CLEC19A: variants seen among roughly 807,000 people sequenced by gnomAD.
CLEC19A encodes the protein C-type lectin domain family 19 member A.
In CLEC19A, 21 loss-of-function variants were observed where a neutral mutation model predicts 26.1. The ratio of observed to expected loss-of-function variants is 0.80; its 90% CI spans 0.57 to 1.16. CLEC19A has a LOEUF of 1.16. Among genes scored for constraint, CLEC19A ranks in the 50% most tolerant of loss-of-function variants. The pLI is 0.00. For synonymous variants in CLEC19A, 89 were observed against 88.6 expected (o/e 1.00, Z -0.03); for missense variants, 224 against 227.6 (o/e 0.98, Z 0.10).
intron 1 of CLEC19A, among the ~76,000 whole-genome samples, chr16:19,288,454 G>A (rs992731348): frequency 2.0e-5 from 3 of 151,932 alleles, no homozygotes; most frequent in Non-Finnish European, 4.4e-5. Context: ...TGCATAACAG[G>A]GCACAGGTCA....
chr16:19,290,952 C>T (rs1271862077), intron 1 of CLEC19A, among the ~76,000 whole-genome samples: 1 of 152,140 alleles, frequency 6.6e-6, no homozygotes, highest in African/African-American at 2.4e-5. Flanking sequence ...GATGCTCCCT[C>T]TTCAGTCTCT....
chr16:19,291,185 T>C lies in CLEC19A; in HGVS notation c.88+5246T>C, dbSNP rs147692265. On this transcript the variant is annotated intron_variant, in intron 1 of 4. Coordinates refer to ENST00000636231, the MANE Select transcript of CLEC19A (RefSeq NM_001256720.2). ...GTTTGGTCTTCATAGACCATAAGGC[T>C]CATGAGGTCAGAAGGCGCATCTGTG... 5.9e-5 allele frequency among the ~76,000 whole-genome samples: 9 copies of C among 152,286 alleles called. 1 individual carries two copies. In the East Asian group the frequency reaches 1.5e-3, roughly 26 times the overall value.
intron 1 of CLEC19A, among the ~76,000 whole-genome samples, chr16:19,288,569 A>G (rs1304315216): frequency 6.6e-6 from 1 of 152,152 alleles, no homozygotes; most frequent in Non-Finnish European, 1.5e-5. Flanking sequence ...TTGGAGGAAA[A>G]AAAACTTTTT....
chr16:19,290,343 A>G (rs371731814), intron 1 of CLEC19A, among the ~76,000 whole-genome samples: 120 of 139,262 alleles, frequency 8.6e-4, no homozygotes, highest in African/African-American at 2.7e-3. Context: ...CTCTCCCTCC[A>G]CTTCCCCTCC....
At chr16:19,288,449 AACAG>A (rs1897517062) in intron 1 of CLEC19A, among the ~76,000 whole-genome samples, 1 of 152,110 alleles carries the variant, frequency 6.6e-6, no homozygotes, top group African/African-American at 2.4e-5. Flanking sequence ...TACAATGCAT[AACAG>A]GGCACAGGTC....
chr16:19,293,242 T>C (rs1897627851), intron 1 of CLEC19A, among the ~76,000 whole-genome samples: 1 of 152,220 alleles, frequency 6.6e-6, no homozygotes. Context: ...GAGTAGTTTA[T>C]GTCAAATAAA....
chr16:19,304,254 C>A, intron 3 of CLEC19A, 99 bp downstream of exon 3: 2 of 944,042 alleles, frequency 2.1e-6, no homozygotes, highest in African/African-American at 1.6e-5. Flanking sequence ...CACGGCTATG[C>A]ACACAGCATA....
intron 2 of CLEC19A, among the ~76,000 whole-genome samples, chr16:19,300,440 C>T (rs935500250): frequency 2.0e-5 from 3 of 150,978 alleles, no homozygotes; most frequent in Admixed American, 6.6e-5. Context: ...CCCAGCTACT[C>T]GGTAGGCTAA....
At chr16:19,298,995 A>G (rs1407489401) in intron 2 of CLEC19A, among the ~76,000 whole-genome samples, 157 bp downstream of exon 2, 3 of 151,572 alleles carry the variant, frequency 2.0e-5, no homozygotes, top group Non-Finnish European at 4.4e-5. Flanking sequence ...CCACTCTTGA[A>G]CTCCTGAGCT....
rs749825262 is a variant in CLEC19A, at chr16:19,285,876, G to C, written c.25G>C (p.Ala9Pro). The change falls in exon 1 of 5, where the codon GCA becomes CCA. Residue 9 changes from alanine to proline, a missense_variant. Physicochemically the swap from Ala to Pro is conservative, Grantham distance 27 (BLOSUM62 -1). Transcript: ENST00000636231. Reference protein sequence around the residue: MQRWTLWAAAFLTLHSAQA... With the variant: MQRWTLWAPAFLTLHSAQA... ...GATGCAAAGGTGGACACTGTGGGCT[G>C]CAGCCTTCCTGACCCTCCACTCTGC... 5 of 1,550,562 alleles carry C rather than the reference G, an allele frequency of 3.2e-6. No homozygotes were observed. Among genetic ancestry groups the C allele is most frequent in the Non-Finnish European group, 4.4e-6 (5 of 1,146,992 alleles).
At chr16:19,307,712 A>C (rs1462107946) in intron 4 of CLEC19A, 35 bp downstream of exon 4, 4 of 1,546,334 alleles carry the variant, frequency 2.6e-6, no homozygotes, top group Non-Finnish European at 2.6e-6. Flanking sequence ...CTTGCAGGGG[A>C]GCCCAGGAGG....
In CLEC19A at chr16:19,289,957, G is replaced by A. The variant is rs188627929; in HGVS notation, c.88+4018G>A. Among the ~76,000 whole-genome samples the A allele has an allele frequency of 2.1e-4, 32 of 152,294 alleles. 1 individual carries two copies. The highest frequency in any genetic ancestry group is 7.0e-4 in the African/African-American group (29 of 41,562). ...GGGAGTGTCTGGGGCCTAGTATGGG[G>A]ACTGGGTGGACAAATGTGGCCCCTG... On this transcript the variant is annotated intron_variant, in intron 1 of 4. Transcript: ENST00000636231.
rs756904724 is a variant in CLEC19A at position 19,307,628 on chromosome 16, G to A, written c.432G>A (p.Ala144=). 31 of 1,548,208 alleles carry A rather than the reference G, an allele frequency of 2.0e-5. No homozygotes were observed. The highest frequency in any genetic ancestry group is 5.5e-5 in the African/African-American group (4 of 72,926). ...DGSQPDDGVH[A]DPEEEDCVQI... ...GCCAGCCAGATGATGGCGTCCACGCGGACCCAGAAGAAGAGGACTGCGTGC... is the reference window on the plus strand; with the variant it reads ...GCCAGCCAGATGATGGCGTCCACGCAGACCCAGAAGAAGAGGACTGCGTGC... Residue 144 remains alanine (A), a synonymous_variant, in exon 4 of 5, where the codon GCG becomes GCA. Transcript: ENST00000636231.
chr16:19,286,135 C>T (rs1210803147), intron 1 of CLEC19A, among the ~76,000 whole-genome samples, 196 bp downstream of exon 1: 1 of 152,172 alleles, frequency 6.6e-6, no homozygotes, highest in Non-Finnish European at 1.5e-5. Context: ...GTTTGAATCC[C>T]AGTTTTGCAG....
chr16:19,296,726 C>T (rs1387090585), intron 1 of CLEC19A, among the ~76,000 whole-genome samples: 1 of 152,166 alleles, frequency 6.6e-6, no homozygotes, highest in African/African-American at 2.4e-5. Flanking sequence ...TACAGGGAAA[C>T]TATAACAAAT....
At chr16:19,287,398 A>G (rs1897494307) in intron 1 of CLEC19A, among the ~76,000 whole-genome samples, 1 of 152,070 alleles carries the variant, frequency 6.6e-6, no homozygotes, top group Non-Finnish European at 1.5e-5. Context: ...TCACTTCCCA[A>G]AGGTCCCCCC....
At chr16:19,307,454 T>G in intron 3 of CLEC19A, 91 bp from the exon 4 acceptor site, 2 of 1,438,160 alleles carry the variant, frequency 1.4e-6, no homozygotes, top group Non-Finnish European at 1.9e-6. Flanking sequence ...GAAATTAAGT[T>G]GCTAAGACGT....
intron 2 of CLEC19A, among the ~76,000 whole-genome samples, chr16:19,300,823 C>A (rs1897803749): frequency 6.6e-6 from 1 of 152,170 alleles, no homozygotes; most frequent in South Asian, 2.1e-4. Context: ...AATTCCATGC[C>A]TGAGTTGGAG....
chr16:19,295,732 G>C (rs1897693096), intron 1 of CLEC19A, among the ~76,000 whole-genome samples: 1 of 152,200 alleles, frequency 6.6e-6, no homozygotes, highest in Non-Finnish European at 1.5e-5. Flanking sequence ...AAAGAAGGTA[G>C]AAATGATTTG....
Sources: allele counts gnomAD v4.1 joint callset (sites outside exome capture counted in the v4.1 genomes callset), GRCh38; gene constraint gnomAD v4.1.1; transcripts MANE v1.5; gene names NCBI Gene and HGNC (gene_info 2026-07-23, HGNC 2026-07-21).